MARCHF10: variants seen among roughly 807,000 people sequenced by gnomAD.
MARCHF10 encodes the protein membrane associated ring-CH-type finger 10.
A neutral mutation model predicts 76.2 loss-of-function variants in MARCHF10; 64 were observed. The observed-to-expected ratio is 0.84, with a 90% CI of 0.69 to 1.03. MARCHF10 has a LOEUF of 1.03. Ranked by LOEUF, MARCHF10 falls within the 50% of genes least tolerant of loss-of-function variation. The probability of loss-of-function intolerance (pLI) is 0.00; values close to 1 mark genes in which losing one functional copy is unlikely to be tolerated. For synonymous variants in MARCHF10, 340 were observed against 357.5 expected (o/e 0.95, Z 0.55); for missense variants, 875 against 958.0 (o/e 0.91, Z 1.14).
At chr17:62,745,713 G>A (rs573749073) in intron 4 of MARCHF10, among the ~76,000 whole-genome samples, 1 of 152,182 alleles carries the variant, frequency 6.6e-6, no homozygotes, top group Non-Finnish European at 1.5e-5. Flanking sequence ...TGTGGACCTA[G>A]TTTCCAATGA....
At chr17:62,780,520 C>T (rs1191663539) in intron 3 of MARCHF10, among the ~76,000 whole-genome samples, 1 of 152,128 alleles carries the variant, frequency 6.6e-6, no homozygotes, top group Admixed American at 6.6e-5. Context: ...TGGGGCACTG[C>T]CAGCTGCTTC....
At chr17:62,739,639 C>T (rs1287087891) in intron 5 of MARCHF10, among the ~76,000 whole-genome samples, 3 of 152,076 alleles carry the variant, frequency 2.0e-5, no homozygotes, top group Non-Finnish European at 4.4e-5. Flanking sequence ...CCTTGGCCTC[C>T]CAAAGTGCTG....
intron 6 of MARCHF10, chr17:62,725,893 C>T (rs2090734366): frequency 6.6e-6 from 1 of 152,298 alleles, no homozygotes; most frequent in Non-Finnish European, 1.5e-5. Flanking sequence ...GATAACACCA[C>T]TGCCACCTAC....
intron 3 of MARCHF10, among the ~76,000 whole-genome samples, chr17:62,770,853 T>TG (rs1437132000): frequency 7.5e-6 from 1 of 133,892 alleles, no homozygotes; most frequent in Non-Finnish European, 1.6e-5. Context: ...TATTTTGACT[T>TG]TTTTTTTTTT....
In MARCHF10 at chr17:62,737,291, G is replaced by T; in HGVS notation, c.577C>A (p.Leu193Met). The change falls in exon 6 of 11, where the codon CTG becomes ATG. Residue 193 changes from leucine to methionine, a missense_variant. By Grantham distance (15) the Leu-to-Met change is conservative (BLOSUM62 2). Coordinates refer to ENST00000311269, the MANE Select transcript of MARCHF10 (RefSeq NM_152598.4). Reference protein sequence around the residue: ...QQEGLMCNTKLKRPNQERRNL... With the variant: ...QQEGLMCNTKMKRPNQERRNL... ...CTTCTCTCTTGATTTGGCCTCTTCAGCTTAGTGTTACACATCAGGCCTTCT... is the reference window on the plus strand; with the variant it reads ...CTTCTCTCTTGATTTGGCCTCTTCATCTTAGTGTTACACATCAGGCCTTCT... 6.2e-7 allele frequency: 1 copy of T among 1,613,346 alleles called. No individual in the cohort carries two copies. Among genetic ancestry groups the T allele is most frequent in the Non-Finnish European group, 8.5e-7 (1 of 1,179,900 alleles).
In MARCHF10 at chr17:62,738,552, G is replaced by A. The variant is rs933051389; in HGVS notation, c.536-1220C>T. Among the ~76,000 whole-genome samples the A allele has an allele frequency of 6.6e-6, 1 of 152,160 alleles. No individual in the cohort carries two copies. The highest frequency in any genetic ancestry group is 2.4e-5 in the African/African-American group (1 of 41,430). On this transcript the variant is annotated intron_variant, in intron 5 of 10. Coordinates refer to ENST00000311269, the MANE Select transcript of MARCHF10 (RefSeq NM_152598.4). The surrounding 1 kb of genome is among the most constrained non-coding windows in gnomAD (Gnocchi z 4.0). ...TCTAAAGCGGTTCACCCTGTAGAGTGGACGGGACTCCACGGGCCCTGGAAG... is the reference window on the plus strand; with the variant it reads ...TCTAAAGCGGTTCACCCTGTAGAGTAGACGGGACTCCACGGGCCCTGGAAG...
chr17:62,793,409 CCACCAT>C (rs2092913600), intron 2 of MARCHF10, among the ~76,000 whole-genome samples: 1 of 148,564 alleles, frequency 6.7e-6, no homozygotes, highest in Admixed American at 6.7e-5. Flanking sequence ...TCCATCACCA[CCACCAT>C]CACCTCCATC....
chr17:62,794,474 T>C (rs529146672), intron 2 of MARCHF10, among the ~76,000 whole-genome samples: 8 of 152,360 alleles, frequency 5.3e-5, no homozygotes, highest in Admixed American at 4.6e-4. Flanking sequence ...TCCTTGTTTT[T>C]CTGCCCTGTA....
rs2089988548 is a variant in MARCHF10 at position 62,712,605 on chromosome 17, A to G, written c.2215-1261T>C. Among the ~76,000 whole-genome samples the G allele has an allele frequency of 6.6e-6, 1 of 152,182 alleles. No homozygotes were observed. The highest frequency in any genetic ancestry group is 1.5e-5 in the Non-Finnish European group (1 of 68,020). On this transcript the variant is annotated intron_variant, in intron 8 of 10. Coordinates refer to ENST00000311269, the MANE Select transcript of MARCHF10 (RefSeq NM_152598.4). This position sits in a 1 kb window ranked among gnomAD's most constrained non-coding sequence, Gnocchi z 4.2. Reference sequence around the variant, plus strand: ...GCTGCAGGCCTCTCCACCATTCTACAGATCCATCTTCGAAGGCCCCAGTCC... The same window carrying G: ...GCTGCAGGCCTCTCCACCATTCTACGGATCCATCTTCGAAGGCCCCAGTCC...
chr17:62,703,658 T>A (rs1568083033), intron 10 of MARCHF10, among the ~76,000 whole-genome samples: 1 of 152,106 alleles, frequency 6.6e-6, no homozygotes, highest in Non-Finnish European at 1.5e-5. Context: ...GGGTTGGTGA[T>A]GGGGTGGATC....
intron 5 of MARCHF10, among the ~76,000 whole-genome samples, chr17:62,742,283 G>A (rs2091543407): frequency 6.6e-6 from 1 of 152,068 alleles, no homozygotes; most frequent in Non-Finnish European, 1.5e-5. Context: ...GCCTCCCAAA[G>A]TGCTGGGATT....
At chr17:62,767,971 A>C (rs2092371350) in intron 3 of MARCHF10, among the ~76,000 whole-genome samples, 1 of 152,062 alleles carries the variant, frequency 6.6e-6, no homozygotes, top group African/African-American at 2.4e-5. Context: ...CCACAGAGAA[A>C]ATATCTGGCC....
At chr17:62,743,207 C>T (rs1480644230) in intron 5 of MARCHF10, among the ~76,000 whole-genome samples, 1 of 152,234 alleles carries the variant, frequency 6.6e-6, no homozygotes, top group Non-Finnish European at 1.5e-5. Flanking sequence ...CCTTAAAGCT[C>T]ATGCCCTTCC....
At chr17:62,780,226 T>A (rs1028218940) in intron 3 of MARCHF10, among the ~76,000 whole-genome samples, 2 of 152,230 alleles carry the variant, frequency 1.3e-5, no homozygotes, top group African/African-American at 4.8e-5. Context: ...TAATTTAAAC[T>A]TAAAGTTTAA....
chr17:62,757,769 C>G lies in MARCHF10; in HGVS notation c.382+2066G>C, dbSNP rs374896103. On this transcript the variant is annotated intron_variant, in intron 4 of 10. Coordinates refer to ENST00000311269, the MANE Select transcript of MARCHF10 (RefSeq NM_152598.4). ...TGGTGGTTTGTAGAGGCTTTTACTACAAGTAACATCCCTCATTTGATGAAA... is the reference window on the plus strand; with the variant it reads ...TGGTGGTTTGTAGAGGCTTTTACTAGAAGTAACATCCCTCATTTGATGAAA... Among the ~76,000 whole-genome samples, 103 of 152,354 alleles carry G rather than the reference C, an allele frequency of 6.8e-4. 2 individuals are homozygous for G. The South Asian group carries it at 0.021, about 31-fold the overall frequency.
At chr17:62,722,379 T>C in intron 8 of MARCHF10, 109 bp downstream of exon 8, 1 of 716,456 alleles carries the variant, frequency 1.4e-6, no homozygotes, top group East Asian at 2.8e-5. Context: ...GTCAGACTCC[T>C]GCCAGCAGAG....
chr17:62,782,981 T>C (rs1363931646), intron 3 of MARCHF10, among the ~76,000 whole-genome samples: 1 of 152,168 alleles, frequency 6.6e-6, no homozygotes, highest in Non-Finnish European at 1.5e-5. Flanking sequence ...TGAATTTCAC[T>C]GTGGAAAATT....
chr17:62,786,919 T>C (rs1197252026), intron 3 of MARCHF10, among the ~76,000 whole-genome samples: 1 of 152,234 alleles, frequency 6.6e-6, no homozygotes, highest in Non-Finnish European at 1.5e-5. Context: ...CTGGGAAGAC[T>C]GCTACATGCT....
intron 10 of MARCHF10, chr17:62,704,809 C>A (rs968767435): frequency 2.3e-5 from 11 of 488,468 alleles, no homozygotes; most frequent in Non-Finnish European, 2.7e-5. Flanking sequence ...GTGAAATTTT[C>A]CCCCAGAAGA....
Sources: allele counts gnomAD v4.1 joint callset (sites outside exome capture counted in the v4.1 genomes callset), GRCh38; gene constraint gnomAD v4.1.1; non-coding constraint Gnocchi (gnomAD v3.1); transcripts MANE v1.5; gene names NCBI Gene and HGNC (gene_info 2026-07-23, HGNC 2026-07-21).